Variants in ITGAX observed in about 807,000 individuals in gnomAD.
The protein encoded by ITGAX is integrin alpha-X.
Under a neutral mutation model 140.2 loss-of-function variants are expected in ITGAX, and 99 were observed. The observed-to-expected ratio is 0.71, with a 90% CI of 0.60 to 0.83. ITGAX has a LOEUF of 0.83. ITGAX is among the 40% of genes least tolerant of loss of function. The probability of loss-of-function intolerance (pLI) is 0.00; values close to 1 mark genes in which losing one functional copy is unlikely to be tolerated. For missense variants in ITGAX, 1,444 were observed against 1,482.0 expected, an observed-to-expected ratio of 0.97 and a Z score of 0.42; for synonymous variants, 631 against 600.4, an observed-to-expected ratio of 1.05 and a Z score of -0.75.
At chr16:31,364,260 A>G (rs2080868526) in intron 14 of ITGAX, among the ~76,000 whole-genome samples, 1 of 151,624 alleles carries the variant, frequency 6.6e-6, no homozygotes, top group South Asian at 2.1e-4. Context: ...CCATCTCTAG[A>G]AAAAATTTTA....
At position 31,359,996 on chromosome 16, in the gene ITGAX, T is replaced by G; in HGVS notation, c.638T>G (p.Leu213Arg). The G allele has an allele frequency of 6.2e-7, 1 of 1,614,060 alleles. No homozygotes were observed. Among genetic ancestry groups the G allele is most frequent in the Non-Finnish European group, 8.5e-7 (1 of 1,180,032 alleles). Reference protein sequence around the residue: ...FEEFRRSSNPLSLLASVHQLQ... With the variant: ...FEEFRRSSNPRSLLASVHQLQ... ...GAATTCAGGCGCAGCTCAAACCCCC[T>G]CAGCCTGTTGGCTTCTGTTCACCAG... The change falls in exon 7 of 30, where the codon CTC becomes CGC. Residue 213 changes from leucine to arginine, a missense_variant. By Grantham distance (102) the Leu-to-Arg change is moderately radical. Transcript: ENST00000268296.
intron 20 of ITGAX, among the ~76,000 whole-genome samples, chr16:31,373,854 A>G (rs963493540): frequency 6.6e-6 from 1 of 152,258 alleles, no homozygotes; most frequent in Non-Finnish European, 1.5e-5. Flanking sequence ...AGCCATTGAC[A>G]TGAATGAGTT....
intron 2 of ITGAX, chr16:31,356,360 G>A (rs1179636548): frequency 1.5e-5 from 7 of 462,390 alleles, no homozygotes; most frequent in Admixed American, 3.5e-5. Flanking sequence ...AAACTCCTGG[G>A]CTCAAGCAAT....
In ITGAX at chr16:31,361,189, A is replaced by C; in HGVS notation, c.988A>C (p.Lys330Gln). The part of the protein sequence containing the change: ...DALKDIQNQL[K>Q]EKIFAIEGTE... Reference sequence around the variant, plus strand: ...TCTGAAAGATATTCAAAACCAACTGAAGGAGAAGATCTTTGCCATTGAGGG... The same window carrying C: ...TCTGAAAGATATTCAAAACCAACTGCAGGAGAAGATCTTTGCCATTGAGGG... Residue 330 changes from lysine (K) to glutamine (Q), a missense_variant, in exon 9 of 30, where the codon AAG (lysine) becomes CAG (glutamine). Transcript: ENST00000268296. 1 of 1,613,082 alleles carries C rather than the reference A, an allele frequency of 6.2e-7. No individual in the cohort carries two copies. Among genetic ancestry groups the C allele is most frequent in the Non-Finnish European group, 8.5e-7 (1 of 1,179,418 alleles).
Position 31,359,686 on chromosome 16 carries a change from A to G in ITGAX, c.431-14A>G, listed in dbSNP as rs906812422. 5.0e-6 allele frequency: 8 copies of G among 1,613,198 alleles called. No homozygotes were observed. The highest frequency in any genetic ancestry group is 5.9e-6 in the Non-Finnish European group (7 of 1,179,586). Reference sequence around the variant, plus strand: ...GAGTGTCACTTGGAGGACCGGTGCCACCTCCTTCCCCAGAGTGCCCAAGAC... The same window carrying G: ...GAGTGTCACTTGGAGGACCGGTGCCGCCTCCTTCCCCAGAGTGCCCAAGAC... On this transcript the variant is annotated splice_polypyrimidine_tract_variant and intron_variant, in intron 5 of 29. Coordinates refer to ENST00000268296, the MANE Select transcript of ITGAX (RefSeq NM_000887.5).
intron 14 of ITGAX, among the ~76,000 whole-genome samples, chr16:31,369,226 C>T (rs1360863742): frequency 4.7e-5 from 7 of 148,628 alleles, no homozygotes; most frequent in Admixed American, 1.3e-4. Flanking sequence ...GGCGGCTGGC[C>T]GGGCGGGGGG....
At chr16:31,372,168 G>GGT (rs1555477545) in intron 17 of ITGAX, among the ~76,000 whole-genome samples, 3 of 151,600 alleles carry the variant, frequency 2.0e-5, no homozygotes, top group Admixed American at 6.6e-5. Context: ...GGAGGTCTGG[G>GGT]GGGGGGGAGG....
rs61178575 is a variant in ITGAX, at chr16:31,363,611, A to AT, written c.1710+243dup. On this transcript the variant is annotated intron_variant, in intron 14 of 29. Transcript: ENST00000268296. Reference sequence around the variant, plus strand: ...CAGGCATGCACCACCATGTCCGGTTATTTTTTGTATTTTAGTAGAGACAGG... The same window carrying AT: ...CAGGCATGCACCACCATGTCCGGTTATTTTTTTGTATTTTAGTAGAGACAGG... Among the ~76,000 whole-genome samples, 4,674 of 152,252 alleles carry AT rather than the reference A, an allele frequency of 0.031. 730 individuals are homozygous for AT. In the East Asian group the frequency reaches 0.52, roughly 17 times the overall value.
chr16:31,371,914 T>TAAGCACG, intron 17 of ITGAX, 130 bp downstream of exon 17: 1 of 1,046,174 alleles, frequency 9.6e-7, no homozygotes, highest in Non-Finnish European at 1.4e-6. Context: ...CAGGACGTGC[T>TAAGCACG]TACTGCACGT....
chr16:31,376,789 T>G lies in ITGAX; in HGVS notation c.2509-10T>G. ...TCAACTAATACTCCTCTACTTTTTC[T>G]CATGCCTAGAAACAAGGGCAGCTGC... On this transcript the variant is annotated splice_polypyrimidine_tract_variant and intron_variant, in intron 20 of 29. Transcript: ENST00000268296. 6.2e-7 allele frequency: 1 copy of G among 1,613,618 alleles called. No homozygotes were observed.
chr16:31,358,698 T>G, intron 5 of ITGAX, among the ~76,000 whole-genome samples: 4 of 129,894 alleles, frequency 3.1e-5, no homozygotes, highest in Admixed American at 7.8e-5. Flanking sequence ...CATTGCTGGA[T>G]GGGGTGACAT....
At chr16:31,366,053 C>T (rs1001946524) in intron 14 of ITGAX, among the ~76,000 whole-genome samples, 3 of 152,222 alleles carry the variant, frequency 2.0e-5, no homozygotes, top group Non-Finnish European at 4.4e-5. Context: ...CGTACCAATT[C>T]CCACAACCCA....
At chr16:31,363,928 C>T (rs906738264) in intron 14 of ITGAX, among the ~76,000 whole-genome samples, 1 of 152,200 alleles carries the variant, frequency 6.6e-6, no homozygotes, top group East Asian at 1.9e-4. Context: ...CCCTGCTGCT[C>T]ACCACTTAGG....
Position 31,361,942 on chromosome 16 carries a change from G to A in ITGAX, c.1086+33G>A, listed in dbSNP as rs755967257. 64 of 1,613,204 alleles carry A rather than the reference G, an allele frequency of 4.0e-5. 1 individual carries two copies. The highest frequency in any genetic ancestry group is 2.7e-4 in the South Asian group (25 of 91,080). ...GGGCCCCTTAGGCCGATGATGTGCC[G>A]TGAGGGGAGGGGGAGCAGGGAAGGC... On this transcript the variant is annotated intron_variant, in intron 10 of 29. Coordinates refer to ENST00000268296, the MANE Select transcript of ITGAX (RefSeq NM_000887.5).
intron 5 of ITGAX, 31 bp downstream of exon 5, chr16:31,357,395 A>C: frequency 1.4e-6 from 2 of 1,438,140 alleles, no homozygotes; most frequent in African/African-American, 1.4e-5. Flanking sequence ...GGCTTTGAGG[A>C]GCTCACGCAC....
Position 31,381,869 on chromosome 16 carries a change from A to T in ITGAX, c.3454A>T (p.Asn1152Tyr). 1 of 882,496 alleles carries T rather than the reference A, an allele frequency of 1.1e-6. No individual in the cohort carries two copies. Among genetic ancestry groups the T allele is most frequent in the South Asian group, 1.3e-5 (1 of 76,712 alleles). The allele number at this position is 882,496 out of a possible 1,614,324, so 54.7% of individuals were successfully genotyped here. A position where few individuals can be genotyped will look rare whatever the true frequency, so the allele number is the denominator to read the frequency against. ...EEANGQIAPE[N>Y]GTQTPSPPSE... Reference sequence around the variant, plus strand: ...GGCAAATGGACAAATTGCCCCAGAAAACGGGACACAGACCCCCAGCCCGCC... The same window carrying T: ...GGCAAATGGACAAATTGCCCCAGAATACGGGACACAGACCCCCAGCCCGCC... The change falls in exon 30 of 30, where the codon AAC (asparagine) becomes TAC (tyrosine). Residue 1152 changes from asparagine to tyrosine, a missense_variant. By Grantham distance (143) the Asn-to-Tyr change is moderately radical (BLOSUM62 -2). Transcript: ENST00000268296.
At chr16:31,377,293 AG>A in intron 23 of ITGAX, 28 bp downstream of exon 23, 1 of 1,512,192 alleles carries the variant, frequency 6.6e-7, no homozygotes. Flanking sequence ...TGCAGGAAAA[AG>A]GGTTCTTCTC....
chr16:31,355,833 G>T (rs1271562332), intron 1 of ITGAX, 60 bp from the exon 2 acceptor site: 2 of 1,345,222 alleles, frequency 1.5e-6, no homozygotes, highest in Non-Finnish European at 1.1e-6. Context: ...GCCGGGGGTG[G>T]AGGGCAGCCA....
chr16:31,361,270 C>G, intron 9 of ITGAX, 57 bp downstream of exon 9: 1 of 1,545,268 alleles, frequency 6.5e-7, no homozygotes. Flanking sequence ...CACCTTTCCA[C>G]TTAGAACCCG....
Sources: gnomAD v4.1 joint callset for allele counts (sites outside exome capture counted in the v4.1 genomes callset) on GRCh38, gnomAD v4.1.1 for gene constraint, MANE v1.5 for transcripts, NCBI Gene and HGNC (gene_info 2026-07-23, HGNC 2026-07-21) for gene names.